The following CRBN variants were observed in gnomAD, a reference collection of about 807,000 sequenced individuals.
CRBN encodes the protein protein cereblon.
CRBN carries 53 observed loss-of-function variants against 62.2 expected under a neutral mutation model. The ratio of observed to expected loss-of-function variants is 0.85; its 90% CI spans 0.68 to 1.07. CRBN has a LOEUF of 1.07. CRBN is among the 50% of genes least tolerant of loss of function. CRBN has a pLI of 0.00. For missense variants in CRBN, 616 were observed against 531.1 expected (o/e 1.16, Z -1.57); for synonymous variants, 208 against 176.1 (o/e 1.18, Z -1.43).
chr3:3,170,724 A>T (rs1219439522), intron 4 of CRBN, among the ~76,000 whole-genome samples: 9 of 152,220 alleles, frequency 5.9e-5, no homozygotes, highest in Admixed American at 5.9e-4. Context: ...TACCCTTATG[A>T]GAGGCCTTAA....
Position 3,153,615 on chromosome 3 carries a change from C to G in CRBN, c.952-127G>C, listed in dbSNP as rs958749374. 1.0e-5 allele frequency: 7 copies of G among 702,158 alleles called. No homozygotes were observed. In the African/African-American group the frequency reaches 1.2e-4, roughly 13 times the overall value. The allele number at this position is 702,158 out of a possible 1,614,324, so 43.5% of individuals were successfully genotyped here. On this transcript the variant is annotated intron_variant, in intron 8 of 10. Coordinates refer to ENST00000231948, the MANE Select transcript of CRBN (RefSeq NM_016302.4). ...CTCTCTGAATATCACATTTTCCTTCCAAGCATTCAAAAACACTTTTAAAGA... is the reference window on the plus strand; with the variant it reads ...CTCTCTGAATATCACATTTTCCTTCGAAGCATTCAAAAACACTTTTAAAGA...
At position 3,150,671 on chromosome 3, in the gene CRBN, A is replaced by ATGCT. The variant is rs1706462825; in HGVS notation, c.*190_*193dup. On this transcript the variant is annotated 3_prime_UTR_variant, in exon 11 of 11. Transcript: ENST00000231948. ...TTTCTGGTATTCTAGACTGCCGTTC[A>ATGCT]TGCTTGTTTCCTAAAGTATACTTAA... 1 of 561,520 alleles carries ATGCT rather than the reference A, an allele frequency of 1.8e-6. No homozygotes were observed. The highest frequency in any genetic ancestry group is 3.1e-6 in the Non-Finnish European group (1 of 319,880). 34.8% of individuals were successfully genotyped at this position (561,520 alleles called of 1,614,324 possible).
At position 3,179,655 on chromosome 3, in the gene CRBN, C is replaced by T. The variant is rs1163192164; in HGVS notation, c.33G>A (p.Ala11=). Residue 11 remains alanine, a synonymous_variant, in exon 1 of 11, where the codon GCG becomes GCA. Transcript: ENST00000231948. ...GCGGCAGGTGGTTGCCCATGTTGTG[C>T]GCAGCGTCCTGCTGATCTCCTTCGC... MAGEGDQQDA[A]HNMGNHLPLL... is the part of the protein sequence containing the mutation. The T allele has an allele frequency of 1.9e-6, 3 of 1,613,164 alleles. No homozygotes were observed. Among genetic ancestry groups the T allele is most frequent in the Non-Finnish European group, 1.7e-6 (2 of 1,179,608 alleles).
At chr3:3,170,312 A>G (rs1021966494) in intron 4 of CRBN, among the ~76,000 whole-genome samples, 1 of 152,208 alleles carries the variant, frequency 6.6e-6, no homozygotes, top group Non-Finnish European at 1.5e-5. Context: ...ATGAAGTGTC[A>G]TTTAGGTAAA....
chr3:3,166,562 T>C (rs1259785615), intron 5 of CRBN, among the ~76,000 whole-genome samples: 1 of 152,148 alleles, frequency 6.6e-6, no homozygotes, highest in Non-Finnish European at 1.5e-5. Context: ...TTGGGAGTCT[T>C]AAAGCAGTCT....
At position 3,166,165 on chromosome 3, in the gene CRBN, ATG is replaced by A. The variant is rs923143991; in HGVS notation, c.687+1467_687+1468del. ...GAATTGTAACTCCCACAATTCCCAC[ATG>A]TCATGGGAGGAACTCAGTGGGAGGT... On this transcript the variant is annotated intron_variant, in intron 5 of 10. Transcript: ENST00000231948. Among the ~76,000 whole-genome samples the A allele has an allele frequency of 3.3e-5, 3 of 90,922 alleles. No homozygotes were observed. The East Asian group carries it at 8.8e-3, about 266-fold the overall frequency. The allele number at this position is 90,922 out of a possible 152,430, so 59.6% of individuals were successfully genotyped here.
Position 3,150,871 on chromosome 3 carries a change from GCAAAGTATT to G in CRBN, c.1314_1322del (p.Ile439_Cys441del). On this transcript the variant is annotated inframe_deletion, in exon 11 of 11. Coordinates refer to ENST00000231948, the MANE Select transcript of CRBN (RefSeq NM_016302.4). ...TTATCTCTATCACATCTGTTTACAAGCAAAGTATTACTTTGTCTGGACTTATTTCATCTT... is the reference window on the plus strand; with the variant it reads ...TTATCTCTATCACATCTGTTTACAAGACTTTGTCTGGACTTATTTCATCTT... 6.2e-7 allele frequency: 1 copy of G among 1,613,302 alleles called. No individual in the cohort carries two copies. The highest frequency in any genetic ancestry group is 8.5e-7 in the Non-Finnish European group (1 of 1,179,510).
chr3:3,153,393 A>G, intron 9 of CRBN, 31 bp downstream of exon 9: 3 of 1,157,212 alleles, frequency 2.6e-6, no homozygotes, highest in Non-Finnish European at 3.9e-6. Context: ...CTGATAAGGC[A>G]AGTATATTAA....
At position 3,170,105 on chromosome 3, in the gene CRBN, G is replaced by C. The variant is rs552478958; in HGVS notation, c.528-2312C>G. ...AGTGGTTCTCATGCCTCAGCCTCCC[G>C]AACAGCTGGAATTACAGGCACAGGC... is the stretch of plus-strand genomic sequence containing the variant. On this transcript the variant is annotated intron_variant, in intron 4 of 10. Transcript: ENST00000231948. 5.3e-5 allele frequency among the ~76,000 whole-genome samples: 8 copies of C among 152,026 alleles called. No individual in the cohort carries two copies. In the South Asian group the frequency reaches 1.7e-3, roughly 32 times the overall value.
At chr3:3,163,559 A>C (rs1707218916) in intron 5 of CRBN, among the ~76,000 whole-genome samples, 1 of 152,212 alleles carries the variant, frequency 6.6e-6, no homozygotes, top group African/African-American at 2.4e-5. Flanking sequence ...TTTAAAAAGC[A>C]GTCTTACTTG....
chr3:3,151,912 C>A (rs1669344), intron 10 of CRBN, among the ~76,000 whole-genome samples: 2 of 152,152 alleles, frequency 1.3e-5, no homozygotes, highest in Non-Finnish European at 2.9e-5. Flanking sequence ...TGTAAACATT[C>A]TCCGGTTTTA....
intron 4 of CRBN, 78 bp from the exon 5 acceptor site, chr3:3,167,871 A>G (rs1338996776): frequency 2.2e-6 from 3 of 1,369,204 alleles, no homozygotes; most frequent in African/African-American, 2.9e-5. Flanking sequence ...AAACAGTGAT[A>G]ATTTTAAATA....
chr3:3,154,379 TAA>T (rs1706784311), intron 7 of CRBN: 1 of 451,340 alleles, frequency 2.2e-6, no homozygotes, highest in South Asian at 2.3e-5. Context: ...TATAAACAGA[TAA>T]AGAGAGTATC....
chr3:3,174,034 A>G, intron 3 of CRBN, 25 bp downstream of exon 3: 1 of 1,589,702 alleles, frequency 6.3e-7, no homozygotes. Context: ...GGAATGTATT[A>G]AGCAAATGGA....
At chr3:3,179,046 A>C (rs1455894946) in intron 1 of CRBN, among the ~76,000 whole-genome samples, 2 of 152,218 alleles carry the variant, frequency 1.3e-5, no homozygotes, top group African/African-American at 4.8e-5. Flanking sequence ...TGGTTTAGAG[A>C]TATAATGACA....
In CRBN at chr3:3,152,587, A is replaced by G; in HGVS notation, c.1017T>C (p.Ser339=). 1.5e-5 allele frequency: 25 copies of G among 1,614,098 alleles called. No homozygotes were observed. The highest frequency in any genetic ancestry group is 2.1e-5 in the Non-Finnish European group (25 of 1,179,994). ...TEITTKNEIF[S]LSLCGPMAAY... Reference sequence around the variant, plus strand: ...CTGCCATCGGCCCACATAAGGATAAACTAAAACAAAGAATCAACATGGAGA... The same window carrying G: ...CTGCCATCGGCCCACATAAGGATAAGCTAAAACAAAGAATCAACATGGAGA... Residue 339 remains serine, a splice_region_variant and synonymous_variant, in exon 10 of 11, where the codon AGT becomes AGC. Transcript: ENST00000231948.
At chr3:3,162,298 G>A (rs546519225) in intron 5 of CRBN, among the ~76,000 whole-genome samples, 1 of 152,204 alleles carries the variant, frequency 6.6e-6, no homozygotes, top group African/African-American at 2.4e-5. Context: ...CTCCAAACAG[G>A]TTTAAACAAA....
chr3:3,163,484 T>C (rs1478771249), intron 5 of CRBN, among the ~76,000 whole-genome samples: 1 of 152,210 alleles, frequency 6.6e-6, no homozygotes. Flanking sequence ...CGGAATGTAA[T>C]GTAAACAAGA....
At chr3:3,156,381 A>G in intron 5 of CRBN, 100 bp from the exon 6 acceptor site, 3 of 1,051,940 alleles carry the variant, frequency 2.9e-6, no homozygotes, top group South Asian at 2.7e-5. Context: ...CTAGGAAAAC[A>G]TCTAATTTTA....
Sources: gnomAD v4.1 joint callset for allele counts (sites outside exome capture counted in the v4.1 genomes callset) on GRCh38, gnomAD v4.1.1 for gene constraint, MANE v1.5 for transcripts, NCBI Gene and HGNC (gene_info 2026-07-23, HGNC 2026-07-21) for gene names.